The following KCNIP1 variants were observed in gnomAD, a reference collection of about 807,000 sequenced individuals.
KCNIP1 encodes potassium voltage-gated channel interacting protein 1, also known as A-type potassium channel modulatory protein KCNIP1.
A neutral mutation model predicts 33.0 loss-of-function variants in KCNIP1; 18 were observed. The observed-to-expected ratio is 0.55, with a 90% CI of 0.38 to 0.81. KCNIP1 has a LOEUF of 0.81. Among genes scored for constraint, KCNIP1 ranks in the 30% least tolerant of loss-of-function variants. The pLI, the probability that KCNIP1 is intolerant of heterozygous loss-of-function variation, is 0.00. For synonymous variants in KCNIP1, 93 were observed against 98.3 expected, an observed-to-expected ratio of 0.95 and a Z score of 0.32; for missense variants, 238 against 271.6, an observed-to-expected ratio of 0.88 and a Z score of 0.87.
At chr5:170,416,831 G>C (rs1035584401) in intron 1 of KCNIP1, among the ~76,000 whole-genome samples, 7 of 152,188 alleles carry the variant, frequency 4.6e-5, no homozygotes, top group Admixed American at 4.6e-4. Flanking sequence ...TACAGATGGG[G>C]AAACTGAGGC....
At chr5:170,381,688 C>T (rs1764247354) in intron 1 of KCNIP1, among the ~76,000 whole-genome samples, 1 of 152,242 alleles carries the variant, frequency 6.6e-6, no homozygotes, top group African/African-American at 2.4e-5. Context: ...CCTTCACATC[C>T]TGCTGACAGT....
intron 1 of KCNIP1, among the ~76,000 whole-genome samples, chr5:170,683,139 C>T (rs1408303825): frequency 6.6e-6 from 1 of 152,158 alleles, no homozygotes; most frequent in Non-Finnish European, 1.5e-5. Context: ...ATGTTGAGAA[C>T]TGTTTCTGGA....
At chr5:170,531,668 T>A (rs111444707) in intron 1 of KCNIP1, among the ~76,000 whole-genome samples, 106 of 152,292 alleles carry the variant, frequency 7.0e-4, no homozygotes, top group African/African-American at 2.5e-3. Context: ...AGAAACAGGA[T>A]CTGTTCCTTT....
intron 1 of KCNIP1, among the ~76,000 whole-genome samples, chr5:170,571,220 T>C (rs1757396052): frequency 6.6e-6 from 1 of 152,210 alleles, no homozygotes; most frequent in African/African-American, 2.4e-5. Context: ...TGACTCTTGC[T>C]GTCCTCTGGC....
At chr5:170,413,797 G>A (rs1044129977) in intron 1 of KCNIP1, among the ~76,000 whole-genome samples, 15 of 152,078 alleles carry the variant, frequency 9.9e-5, no homozygotes, top group Non-Finnish European at 2.1e-4. Flanking sequence ...GTGAGAAGGA[G>A]CCATTGACCC....
chr5:170,666,974 C>G (rs1476539115), intron 1 of KCNIP1, among the ~76,000 whole-genome samples: 1 of 152,228 alleles, frequency 6.6e-6, no homozygotes, highest in Admixed American at 6.5e-5. Flanking sequence ...ATAATATATA[C>G]AAAGTGCTCA....
At chr5:170,628,522 T>C (rs1408087666) in intron 1 of KCNIP1, among the ~76,000 whole-genome samples, 1 of 152,166 alleles carries the variant, frequency 6.6e-6, no homozygotes, top group Non-Finnish European at 1.5e-5. Context: ...ATAATCATAT[T>C]GTGCCCTACA....
chr5:170,551,173 T>C (rs1052052380), intron 1 of KCNIP1, among the ~76,000 whole-genome samples: 3 of 152,238 alleles, frequency 2.0e-5, no homozygotes, highest in Non-Finnish European at 4.4e-5. Context: ...GTACTCATCC[T>C]TCAGGGTCCA....
In KCNIP1 at chr5:170,704,462, T is replaced by G. The variant is rs181961114; in HGVS notation, c.62-14296T>G. 1.7e-4 allele frequency among the ~76,000 whole-genome samples: 18 copies of G among 107,302 alleles called. 3 individuals carry two copies. The highest frequency in any genetic ancestry group is 8.4e-4 in the African/African-American group (18 of 21,524). The allele number at this position is 107,302 out of a possible 152,430, so 70.4% of individuals were successfully genotyped here. On this transcript the variant is annotated intron_variant, in intron 1 of 7. Coordinates refer to ENST00000328939, the MANE Select transcript of KCNIP1 (RefSeq NM_014592.4). The stretch of plus-strand genomic sequence containing the variant: ...AATATTATGCATACCTCACAGGGGT[T>G]AAGCAATGTGAAAGTACTCTGTAAA...
chr5:170,704,106 G>C (rs1188742806), intron 1 of KCNIP1, among the ~76,000 whole-genome samples: 1 of 136,734 alleles, frequency 7.3e-6, no homozygotes, highest in Non-Finnish European at 1.5e-5. Flanking sequence ...ATGTTTTAAG[G>C]GTGGATAGGA....
At chr5:170,607,116 G>C (rs776321918) in intron 1 of KCNIP1, among the ~76,000 whole-genome samples, 1 of 152,194 alleles carries the variant, frequency 6.6e-6, no homozygotes, top group Non-Finnish European at 1.5e-5. Context: ...TAGACAGGAC[G>C]GCTCCGTCTG....
At chr5:170,533,012 C>T (rs1021729608) in intron 1 of KCNIP1, among the ~76,000 whole-genome samples, 2 of 152,228 alleles carry the variant, frequency 1.3e-5, no homozygotes, top group African/African-American at 4.8e-5. Context: ...TTTTGGAATT[C>T]TGCAAGCTCA....
At chr5:170,466,739 T>C (rs1252031861) in intron 1 of KCNIP1, among the ~76,000 whole-genome samples, 1 of 152,210 alleles carries the variant, frequency 6.6e-6, no homozygotes, top group Non-Finnish European at 1.5e-5. Context: ...GGAAGCTCTC[T>C]GCGACTTCAT....
chr5:170,375,380 A>C (rs962729739), intron 1 of KCNIP1: 1 of 152,270 alleles, frequency 6.6e-6, no homozygotes, highest in East Asian at 1.9e-4. Context: ...ACTGGAGGCC[A>C]CAGGGATACC....
At chr5:170,353,679 GTT>G in exon 1 of KCNIP1, 1 of 605,806 alleles carries the variant, frequency 1.7e-6, no homozygotes, top group Non-Finnish European at 2.9e-6. Flanking sequence ...GGGAGGGAGA[GTT>G]TGCCCTGCAG....
intron 1 of KCNIP1, among the ~76,000 whole-genome samples, chr5:170,632,316 T>C (rs1760079574): frequency 1.3e-5 from 2 of 152,338 alleles, no homozygotes; most frequent in South Asian, 4.1e-4. Flanking sequence ...CTATTAGTCT[T>C]CCTGTAATTA....
At chr5:170,605,998 C>G (rs991699797) in intron 1 of KCNIP1, among the ~76,000 whole-genome samples, 2 of 152,160 alleles carry the variant, frequency 1.3e-5, no homozygotes, top group African/African-American at 4.8e-5. Flanking sequence ...TGGTTTTGAA[C>G]TCCTGACCTC....
At chr5:170,570,793 A>G (rs1757380402) in intron 1 of KCNIP1, among the ~76,000 whole-genome samples, 1 of 152,212 alleles carries the variant, frequency 6.6e-6, no homozygotes, top group Non-Finnish European at 1.5e-5. Context: ...AAATAAAGCT[A>G]AGTCATCCCA....
At chr5:170,370,370 G>A (rs965223553) in intron 1 of KCNIP1, among the ~76,000 whole-genome samples, 1 of 152,182 alleles carries the variant, frequency 6.6e-6, no homozygotes, top group Non-Finnish European at 1.5e-5. Context: ...TCCAATTGAG[G>A]AAACTGAGAT....
Sources: allele counts gnomAD v4.1 joint callset (sites outside exome capture counted in the v4.1 genomes callset), GRCh38; gene constraint gnomAD v4.1.1; transcripts MANE v1.5; gene names NCBI Gene and HGNC (gene_info 2026-07-23, HGNC 2026-07-21).